The following VWA5B2 variants were observed in gnomAD, a reference collection of about 807,000 sequenced individuals.
VWA5B2 encodes von Willebrand factor A domain-containing protein 5B2.
A neutral mutation model predicts 118.5 loss-of-function variants in VWA5B2; 93 were observed. That is an observed-to-expected ratio of 0.79 (90% CI 0.66 to 0.93). VWA5B2 has a LOEUF of 0.93. Among genes scored for constraint, VWA5B2 ranks in the 40% least tolerant of loss-of-function variants. The pLI is 0.00. For synonymous variants in VWA5B2, 708 were observed against 716.3 expected (o/e 0.99, Z 0.19); for missense variants, 1,546 against 1,672.8 (o/e 0.92, Z 1.32).
In VWA5B2 at chr3:184,239,731, T is replaced by C. The variant is rs1195665416; in HGVS notation, c.2435T>C (p.Met812Thr). ...SPAPMDWDML[M>T]EPPFLFTAVP... ...GCCCCTATGGACTGGGACATGCTGA[T>C]GGAACCACCCTTCTTATTCACGGCT... is the stretch of plus-strand genomic sequence containing the variant. Residue 812 changes from methionine (M) to threonine (T), a missense_variant, in exon 16 of 20, where the codon ATG (methionine) becomes ACG (threonine). By Grantham distance (81) the Met-to-Thr change is moderately conservative. Coordinates refer to ENST00000691901, the MANE Select transcript of VWA5B2 (RefSeq NM_001390846.1). The surrounding 1 kb of genome is among the most constrained non-coding windows in gnomAD (Gnocchi z 5.1). 3 of 1,497,050 alleles carry C rather than the reference T, an allele frequency of 2.0e-6. No individual in the cohort carries two copies. In the African/African-American group the frequency reaches 4.2e-5, roughly 21 times the overall value. 92.7% of individuals were successfully genotyped at this position (1,497,050 alleles called of 1,614,324 possible).
At chr3:184,229,958 G>T (rs1466869829) in intron 1 of VWA5B2, among the ~76,000 whole-genome samples, 2 of 152,122 alleles carry the variant, frequency 1.3e-5, no homozygotes, top group Admixed American at 1.3e-4. Flanking sequence ...CCTCCACTCC[G>T]GCCAGCACCC....
Position 184,236,517 on chromosome 3 carries a change from C to T in VWA5B2, c.1387C>T (p.Leu463=). Residue 463 remains leucine, a synonymous_variant, in exon 10 of 20, where the codon CTG becomes TTG. Coordinates refer to ENST00000691901, the MANE Select transcript of VWA5B2 (RefSeq NM_001390846.1). ...SPMAATTHRT[L]ELMRWHRGTA... The stretch of plus-strand genomic sequence containing the variant: ...CATGGCCGCCACTACCCACCGAACC[C>T]TGGAGCTCATGAGGTGGCACAGGGG... 3 of 1,549,328 alleles carry T rather than the reference C, an allele frequency of 1.9e-6. No homozygotes were observed. The highest frequency in any genetic ancestry group is 2.6e-6 in the Non-Finnish European group (3 of 1,146,994).
rs896486546 is a variant in VWA5B2 at position 184,237,076 on chromosome 3, T to A, written c.1534-150T>A. On this transcript the variant is annotated intron_variant, in intron 11 of 19. Transcript: ENST00000691901. This position sits in a 1 kb window ranked among gnomAD's most constrained non-coding sequence, Gnocchi z 5.6. Reference sequence around the variant, plus strand: ...CTCAGCCCCCTGCTTGCTCCTACCCTCATTCCTTCTCCTGACCCCAGCCTG... The same window carrying A: ...CTCAGCCCCCTGCTTGCTCCTACCCACATTCCTTCTCCTGACCCCAGCCTG... 1.2e-6 allele frequency: 1 copy of A among 868,192 alleles called. No individual in the cohort carries two copies. 53.8% of individuals were successfully genotyped at this position (868,192 alleles called of 1,614,324 possible). A position where few individuals can be genotyped will look rare whatever the true frequency, so the allele number is the denominator to read the frequency against.
chr3:184,236,829 A>G, intron 11 of VWA5B2, 80 bp downstream of exon 11: 1 of 1,270,508 alleles, frequency 7.9e-7, no homozygotes, highest in Non-Finnish European at 1.1e-6. Flanking sequence ...AACAGAACTC[A>G]GGCAGGCCAT....
rs566681784 is a variant in VWA5B2, at chr3:184,239,415, G to A, written c.2224G>A (p.Val742Met). The A allele has an allele frequency of 6.5e-7, 1 of 1,546,118 alleles. No individual in the cohort carries two copies. The highest frequency in any genetic ancestry group is 2.0e-5 in the Admixed American group (1 of 50,772). ...GCAGGTGGGGGCCTTGAGTACTGAG[G>A]TGCTGGGCCGTCAGCACAGAGCGGC... is the stretch of plus-strand genomic sequence containing the variant. ...PFKVGALSTE[V>M]LGRQHRAALA... The change falls in exon 15 of 20, where the codon GTG (valine) becomes ATG (methionine). Residue 742 changes from valine to methionine, a missense_variant. Val to Met is a conservative substitution (Grantham distance 21). This residue lies in a region of VWA5B2 where 763 missense variants were observed against 766.6 expected (regional missense o/e 1.00). Transcript: ENST00000691901. This position sits in a 1 kb window ranked among gnomAD's most constrained non-coding sequence, Gnocchi z 5.1.
At chr3:184,240,160 C>A in intron 16 of VWA5B2, 124 bp downstream of exon 16, 3 of 736,318 alleles carry the variant, frequency 4.1e-6, no homozygotes, top group Non-Finnish European at 6.2e-6. Flanking sequence ...AGGCTCATCA[C>A]AGACAAGATA....
chr3:184,238,803 G>A lies in VWA5B2; in HGVS notation c.2132G>A (p.Ser711Asn). 1 of 1,545,822 alleles carries A rather than the reference G, an allele frequency of 6.5e-7. No homozygotes were observed. The highest frequency in any genetic ancestry group is 8.7e-7 in the Non-Finnish European group (1 of 1,142,930). The change falls in exon 14 of 20, where the codon AGT (serine) becomes AAT (asparagine). Residue 711 changes from serine to asparagine, a missense_variant. Coordinates refer to ENST00000691901, the MANE Select transcript of VWA5B2 (RefSeq NM_001390846.1). The surrounding 1 kb of genome is among the most constrained non-coding windows in gnomAD (Gnocchi z 5.0). The part of the protein sequence containing the change: ...LEPPSQQGCR[S>N]LAWGEPAGSR... ...CCCCCTTCTCAGCAGGGCTGCCGCA[G>A]TCTGGCCTGGGGAGAACCTGCAGGC...
At chr3:184,231,896 G>T (rs944022562) in intron 3 of VWA5B2, among the ~76,000 whole-genome samples, 2 of 152,202 alleles carry the variant, frequency 1.3e-5, no homozygotes, top group African/African-American at 4.8e-5. Flanking sequence ...TGAGCTCTGG[G>T]CTGAGGCCCC....
rs1244266528 is a variant in VWA5B2 at position 184,238,673 on chromosome 3, A to G, written c.2002A>G (p.Thr668Ala). 11 of 1,551,162 alleles carry G rather than the reference A, an allele frequency of 7.1e-6. No homozygotes were observed. The highest frequency in any genetic ancestry group is 5.5e-5 in the African/African-American group (4 of 73,008). The change falls in exon 14 of 20, where the codon ACC becomes GCC. Residue 668 changes from threonine (T) to alanine (A), a missense_variant. Physicochemically the swap from Thr to Ala is moderately conservative, Grantham distance 58 (BLOSUM62 0). Around this residue, in one of 3 missense-constraint regions of VWA5B2, gnomAD observed 8 missense variants for 23.9 expected, o/e 0.33. Coordinates refer to ENST00000691901, the MANE Select transcript of VWA5B2 (RefSeq NM_001390846.1). This position sits in a 1 kb window ranked among gnomAD's most constrained non-coding sequence, Gnocchi z 5.0. ...SSYIREQYVL[T>A]HCSASPEPGP... ...GTACATTCGGGAGCAGTATGTGCTC[A>G]CCCACTGCTCTGCCAGCCCCGAGCC... is the stretch of plus-strand genomic sequence containing the variant.
Position 184,237,453 on chromosome 3 carries a change from TA to T in VWA5B2, c.1719+43del. On this transcript the variant is annotated intron_variant, in intron 12 of 19. Coordinates refer to ENST00000691901, the MANE Select transcript of VWA5B2 (RefSeq NM_001390846.1). This position sits in a 1 kb window ranked among gnomAD's most constrained non-coding sequence, Gnocchi z 5.6. ...GTGTGGTAGGGGGGCTAGGGTGAGG[TA>T]GGGGGGCCTGGGATGGCTGAAGTCC... The T allele has an allele frequency of 6.7e-7, 1 of 1,494,704 alleles. No homozygotes were observed. 92.6% of individuals were successfully genotyped at this position (1,494,704 alleles called of 1,614,324 possible). A position where few individuals can be genotyped will look rare whatever the true frequency, so the allele number is the denominator to read the frequency against.
chr3:184,236,821 C>T, intron 11 of VWA5B2, 72 bp downstream of exon 11: 8 of 1,320,632 alleles, frequency 6.1e-6, no homozygotes, highest in Non-Finnish European at 8.1e-6. Context: ...AAGTCTGAAA[C>T]AGAACTCAGG....
chr3:184,239,661 C>T lies in VWA5B2; in HGVS notation c.2393-28C>T. On this transcript the variant is annotated intron_variant, in intron 15 of 19. Coordinates refer to ENST00000691901, the MANE Select transcript of VWA5B2 (RefSeq NM_001390846.1). This position sits in a 1 kb window ranked among gnomAD's most constrained non-coding sequence, Gnocchi z 5.1. ...GGTAAAGCCCAGAGGACCACTCTGC[C>T]CATGCCCCTGCTGTCTTGCCTCCCC... 6.8e-7 allele frequency: 1 copy of T among 1,469,632 alleles called. No homozygotes were observed. Among genetic ancestry groups the T allele is most frequent in the Admixed American group, 2.4e-5 (1 of 41,030 alleles). The allele number at this position is 1,469,632 out of a possible 1,614,324, so 91.0% of individuals were successfully genotyped here.
In VWA5B2 at chr3:184,238,488, T is replaced by A. The variant is rs907463727; in HGVS notation, c.1891+14T>A. On this transcript the variant is annotated intron_variant, in intron 13 of 19. Coordinates refer to ENST00000691901, the MANE Select transcript of VWA5B2 (RefSeq NM_001390846.1). This position sits in a 1 kb window ranked among gnomAD's most constrained non-coding sequence, Gnocchi z 5.0. ...ACTCGGAGCAGAGTGAGTGCCCAGG[T>A]GTATGTGTGTGGCTGTATTGGAGTG... 7.7e-5 allele frequency: 118 copies of A among 1,540,002 alleles called. No individual in the cohort carries two copies. The highest frequency in any genetic ancestry group is 3.4e-4 in the Middle Eastern group (2 of 5,944).
rs913224015 is a variant in VWA5B2 at position 184,238,260 on chromosome 3, A to C, written c.1720-43A>C. 25 of 1,441,292 alleles carry C rather than the reference A, an allele frequency of 1.7e-5. No homozygotes were observed. Among genetic ancestry groups the C allele is most frequent in the Non-Finnish European group, 2.3e-5 (25 of 1,088,274 alleles). 89.3% of individuals were successfully genotyped at this position (1,441,292 alleles called of 1,614,324 possible). A position where few individuals can be genotyped will look rare whatever the true frequency, so the allele number is the denominator to read the frequency against. On this transcript the variant is annotated intron_variant, in intron 12 of 19. Transcript: ENST00000691901. The surrounding 1 kb of genome is among the most constrained non-coding windows in gnomAD (Gnocchi z 5.0). Reference sequence around the variant, plus strand: ...CTAAAAATGTTTGGAAAGAGGTAGCACATAACTGCAGTTAATTTTTTTCCC... The same window carrying C: ...CTAAAAATGTTTGGAAAGAGGTAGCCCATAACTGCAGTTAATTTTTTTCCC...
In VWA5B2 at chr3:184,236,190, G is replaced by A. The variant is rs1717969457; in HGVS notation, c.1140G>A (p.Gln380=). ...IVLAVKSLPP[Q]TLINLAVFGT... The stretch of plus-strand genomic sequence containing the variant: ...TGGCTGTGAAGTCCCTCCCGCCCCA[G>A]ACGCTTATCAACCTGGCCGTGTTTG... Residue 380 remains glutamine (Q), a synonymous_variant, in exon 9 of 20, where the codon CAG becomes CAA. Transcript: ENST00000691901. 21 of 1,551,612 alleles carry A rather than the reference G, an allele frequency of 1.4e-5. No individual in the cohort carries two copies. Among genetic ancestry groups the A allele is most frequent in the Non-Finnish European group, 1.7e-5 (20 of 1,147,008 alleles).
intron 16 of VWA5B2, 199 bp from the exon 17 acceptor site, chr3:184,240,591 CT>C: frequency 1.4e-6 from 1 of 709,866 alleles, no homozygotes; most frequent in Non-Finnish European, 2.2e-6. Flanking sequence ...GGGGCTCTTG[CT>C]CTGCTATGGG....
At chr3:184,230,700 G>A in intron 2 of VWA5B2, 33 bp downstream of exon 2, 2 of 1,227,084 alleles carry the variant, frequency 1.6e-6, no homozygotes, top group Non-Finnish European at 2.0e-6. Context: ...GCGCGGCGGG[G>A]GGTGCGCCGG....
Position 184,239,575 on chromosome 3 carries a change from A to C in VWA5B2, c.2384A>C (p.Asp795Ala). The C allele has an allele frequency of 1.3e-6, 2 of 1,523,548 alleles. No individual in the cohort carries two copies. Among genetic ancestry groups the C allele is most frequent in the Non-Finnish European group, 1.8e-6 (2 of 1,128,112 alleles). 94.4% of individuals were successfully genotyped at this position (1,523,548 alleles called of 1,614,324 possible). Residue 795 changes from aspartate (D) to alanine (A), a missense_variant, in exon 15 of 20, where the codon GAT (aspartate) becomes GCT (alanine). Around this residue, in one of 3 missense-constraint regions of VWA5B2, gnomAD observed 763 missense variants for 766.6 expected, o/e 1.00. Coordinates refer to ENST00000691901, the MANE Select transcript of VWA5B2 (RefSeq NM_001390846.1). The surrounding 1 kb of genome is among the most constrained non-coding windows in gnomAD (Gnocchi z 5.1). Reference protein sequence around the residue: ...EPGQQLGQGLDDSGNLLSPAP... With the variant: ...EPGQQLGQGLADSGNLLSPAP... ...GGCCAACAGTTGGGACAAGGCCTGGATGACTCAGGTAAGTGTTGGATGGGG... is the reference window on the plus strand; with the variant it reads ...GGCCAACAGTTGGGACAAGGCCTGGCTGACTCAGGTAAGTGTTGGATGGGG...
rs1316594926 is a variant in VWA5B2, at chr3:184,234,766, A to G, written c.945+11A>G. 6.4e-7 allele frequency: 1 copy of G among 1,551,118 alleles called. No individual in the cohort carries two copies. Among genetic ancestry groups the G allele is most frequent in the African/African-American group, 1.4e-5 (1 of 73,050 alleles). On this transcript the variant is annotated intron_variant, in intron 7 of 19. Coordinates refer to ENST00000691901, the MANE Select transcript of VWA5B2 (RefSeq NM_001390846.1). ...GATGGGGACCGGCAGGTACCGCCAT[A>G]GGAGCCTGGCCTGGCCCCTGGCCTT...
Sources: allele counts gnomAD v4.1 joint callset (sites outside exome capture counted in the v4.1 genomes callset), GRCh38; gene constraint gnomAD v4.1.1; regional missense constraint gnomAD v4.1.1; non-coding constraint Gnocchi (gnomAD v3.1); transcripts MANE v1.5; gene names NCBI Gene and HGNC (gene_info 2026-07-23, HGNC 2026-07-21).